Variants in MTMR3 observed in about 807,000 individuals in gnomAD.
MTMR3 encodes the protein phosphatidylinositol-3,5-bisphosphate 3-phosphatase MTMR3.
MTMR3 carries 32 observed loss-of-function variants against 132.4 expected under a neutral mutation model. The observed-to-expected ratio is 0.24, with a 90% CI of 0.18 to 0.32. The LOEUF (loss-of-function observed/expected upper bound fraction) is 0.32, where lower values mean the gene tolerates loss of function less well. Ranked by LOEUF, MTMR3 falls within the 10% of genes least tolerant of loss-of-function variation. MTMR3 has a pLI of 1.00. For missense variants in MTMR3, 1,216 were observed against 1,489.6 expected (o/e 0.82, Z 3.02); for synonymous variants, 556 against 550.3 (o/e 1.01, Z -0.14).
chr22:29,985,596 T>C (rs1010688960), intron 5 of MTMR3: 4 of 152,150 alleles, frequency 2.6e-5, no homozygotes, highest in Non-Finnish European at 4.4e-5. Flanking sequence ...ATATTTGTTA[T>C]AAAAATCAGG....
intron 1 of MTMR3, among the ~76,000 whole-genome samples, chr22:29,884,540 A>G (rs2064626982): frequency 7.1e-6 from 1 of 141,532 alleles, no homozygotes; most frequent in Non-Finnish European, 1.5e-5. Context: ...AGAAGAGCTT[A>G]CAGAATGACA....
chr22:29,985,286 G>C (rs2066834316), intron 5 of MTMR3: 1 of 152,132 alleles, frequency 6.6e-6, no homozygotes, highest in Non-Finnish European at 1.5e-5. Flanking sequence ...GATCACCTGA[G>C]GTCAGGGGTT....
At chr22:30,013,610 T>A (rs2067490718) in intron 14 of MTMR3, 69 bp downstream of exon 14, 2 of 1,456,076 alleles carry the variant, frequency 1.4e-6, no homozygotes, top group Non-Finnish European at 1.9e-6. Flanking sequence ...GTGGGCCAGT[T>A]CTCACATGAA....
chr22:29,929,068 T>C (rs1157443564), intron 1 of MTMR3, among the ~76,000 whole-genome samples: 1 of 151,908 alleles, frequency 6.6e-6, no homozygotes, highest in Non-Finnish European at 1.5e-5. Context: ...TCACCTGAGG[T>C]CAGGAGTTCA....
chr22:29,992,065 AATAG>A (rs142015487), intron 7 of MTMR3: 5,118 of 156,518 alleles, frequency 0.033, 112 homozygotes, highest in Non-Finnish European at 0.056. Flanking sequence ...ATCAAGAACA[AATAG>A]ATAGTGGGGT....
intron 7 of MTMR3, chr22:29,992,792 A>G (rs552153843): frequency 3.3e-5 from 5 of 152,332 alleles, no homozygotes; most frequent in South Asian, 2.1e-4. Context: ...CTCTGGCCCC[A>G]TGACTAATTG....
intron 1 of MTMR3, among the ~76,000 whole-genome samples, chr22:29,920,425 G>A (rs1198431231): frequency 6.6e-6 from 1 of 152,212 alleles, no homozygotes; most frequent in Middle Eastern, 3.4e-3. Context: ...AGCCCACCAG[G>A]AAACTTATGG....
chr22:29,949,507 C>G (rs1487824797), intron 1 of MTMR3, among the ~76,000 whole-genome samples: 1 of 146,832 alleles, frequency 6.8e-6, no homozygotes, highest in African/African-American at 2.6e-5. Flanking sequence ...CGCGCCCCCC[C>G]CCAAAAAAAA....
At chr22:30,018,183 T>C in intron 16 of MTMR3, 111 bp downstream of exon 16, 2 of 1,225,082 alleles carry the variant, frequency 1.6e-6, no homozygotes, top group Non-Finnish European at 2.2e-6. Context: ...CCACAGTATC[T>C]TTCTTAGGTC....
chr22:29,901,866 T>G (rs2065007772), intron 1 of MTMR3, among the ~76,000 whole-genome samples: 1 of 152,214 alleles, frequency 6.6e-6, no homozygotes, highest in Non-Finnish European at 1.5e-5. Context: ...TTGAGATTCA[T>G]CCATGTTTTT....
intron 1 of MTMR3, among the ~76,000 whole-genome samples, chr22:29,955,978 T>G (rs1162682023): frequency 5.3e-5 from 8 of 151,902 alleles, no homozygotes; most frequent in Non-Finnish European, 1.2e-4. Flanking sequence ...TCTTGAACTC[T>G]TGACCTCAGG....
chr22:29,966,129 T>G (rs1201113299), intron 2 of MTMR3, among the ~76,000 whole-genome samples: 4 of 152,230 alleles, frequency 2.6e-5, no homozygotes, highest in African/African-American at 9.6e-5. Context: ...CCATCTTGTT[T>G]CAGAGGTACT....
intron 1 of MTMR3, among the ~76,000 whole-genome samples, chr22:29,918,765 T>C (rs1340043970): frequency 6.6e-6 from 1 of 152,260 alleles, no homozygotes; most frequent in African/African-American, 2.4e-5. Context: ...CTGTCTCATA[T>C]CATTTCATAT....
Position 29,954,059 on chromosome 22 carries a change from C to CTTTTTTTTTTTTTTTT in MTMR3, c.-137-2968_-137-2953dup, listed in dbSNP as rs59781649. ...CCCTTTTTTTTTCTTTCAAATGAGTCTTTTTTTTTTTTTTTTTTTTTTTTG... is the reference window on the plus strand; with the variant it reads ...CCCTTTTTTTTTCTTTCAAATGAGTCTTTTTTTTTTTTTTTTTTTTTTTTTTTTTTTTTTTTTTTTG... On this transcript the variant is annotated intron_variant, in intron 1 of 19. Coordinates refer to ENST00000401950, the MANE Select transcript of MTMR3 (RefSeq NM_021090.4). 7.6e-5 allele frequency among the ~76,000 whole-genome samples: 6 copies of CTTTTTTTTTTTTTTTT among 79,426 alleles called. 1 individual carries two copies. Among genetic ancestry groups the CTTTTTTTTTTTTTTTT allele is most frequent in the African/African-American group, 2.6e-4 (5 of 18,926 alleles). 52.1% of individuals were successfully genotyped at this position (79,426 alleles called of 152,430 possible). A position where few individuals can be genotyped will look rare whatever the true frequency, so the allele number is the denominator to read the frequency against.
chr22:30,020,391 C>T lies in MTMR3; in HGVS notation c.2732C>T (p.Thr911Ile), dbSNP rs1207525088. ...TCCCTTGGCAGCACTCTCAGCCTGA[C>T]ACGTTCCCCTTGTGCCTTGCCTTTA... is the stretch of plus-strand genomic sequence containing the variant. ...RTSLGSTLSLTRSPCALPLAE... is the reference protein window; with the variant it reads ...RTSLGSTLSLIRSPCALPLAE... Residue 911 changes from threonine to isoleucine, a missense_variant, in exon 17 of 20, where the codon ACA becomes ATA. This residue lies in a region of MTMR3 where 852 missense variants were observed against 852.0 expected (regional missense o/e 1.00). Transcript: ENST00000401950. 23 of 1,614,120 alleles carry T rather than the reference C, an allele frequency of 1.4e-5. No homozygotes were observed. Among genetic ancestry groups the T allele is most frequent in the Non-Finnish European group, 1.9e-5 (22 of 1,180,048 alleles).
At chr22:29,947,470 T>C (rs1029856557) in intron 1 of MTMR3, among the ~76,000 whole-genome samples, 9 of 150,972 alleles carry the variant, frequency 6.0e-5, no homozygotes, top group African/African-American at 2.2e-4. Flanking sequence ...TTTCCTCTTA[T>C]GACAAAAGTT....
At chr22:30,016,388 C>A in intron 14 of MTMR3, 140 bp from the exon 15 acceptor site, 2 of 907,658 alleles carry the variant, frequency 2.2e-6, no homozygotes, top group Non-Finnish European at 3.3e-6. Context: ...GAGGCTACTG[C>A]ATGGCTTACT....
rs181743829 is a variant in MTMR3, at chr22:29,978,717, C to T, written c.93+186C>T. On this transcript the variant is annotated intron_variant, in intron 4 of 19. Coordinates refer to ENST00000401950, the MANE Select transcript of MTMR3 (RefSeq NM_021090.4). Reference sequence around the variant, plus strand: ...CTGAGAATCCACTGTTTAAGATGATCTTCTCTGTATCATTCCTTTAGTAGT... The same window carrying T: ...CTGAGAATCCACTGTTTAAGATGATTTTCTCTGTATCATTCCTTTAGTAGT... 7.2e-5 allele frequency among the ~76,000 whole-genome samples: 11 copies of T among 152,262 alleles called. No homozygotes were observed. In the East Asian group the frequency reaches 1.2e-3, roughly 16 times the overall value.
At chr22:30,005,392 C>T (rs2067253972) in intron 9 of MTMR3, 1 of 152,158 alleles carries the variant, frequency 6.6e-6, no homozygotes, top group Admixed American at 6.5e-5. Flanking sequence ...TCCCCTAAAA[C>T]CCAAGATCCA....
Sources: allele counts gnomAD v4.1 joint callset (sites outside exome capture counted in the v4.1 genomes callset), GRCh38; gene constraint gnomAD v4.1.1; regional missense constraint gnomAD v4.1.1; transcripts MANE v1.5; gene names NCBI Gene and HGNC (gene_info 2026-07-23, HGNC 2026-07-21).